The following SUFU variants were observed in gnomAD, a reference collection of about 807,000 sequenced individuals.
The protein encoded by SUFU is SUFU negative regulator of hedgehog signaling.
A neutral mutation model predicts 58.9 loss-of-function variants in SUFU; 7 were observed. The ratio of observed to expected loss-of-function variants is 0.12; its 90% CI spans 0.07 to 0.22. The LOEUF (loss-of-function observed/expected upper bound fraction) is 0.22, where lower values mean the gene tolerates loss of function less well. Ranked by LOEUF, SUFU falls within the 10% of genes least tolerant of loss-of-function variation. SUFU has a pLI of 1.00. For missense variants in SUFU, 451 were observed against 641.3 expected, an observed-to-expected ratio of 0.70 and a Z score of 3.20; for synonymous variants, 232 against 254.8, an observed-to-expected ratio of 0.91 and a Z score of 0.85.
At chr10:102,506,599 G>A (rs1394625745) in intron 1 of SUFU, among the ~76,000 whole-genome samples, 3 of 152,084 alleles carry the variant, frequency 2.0e-5, no homozygotes, top group Admixed American at 6.5e-5. Flanking sequence ...GGCTGGTCTC[G>A]AACTCCTGAC....
intron 2 of SUFU, among the ~76,000 whole-genome samples, chr10:102,546,576 C>T (rs1481420122): frequency 6.6e-6 from 1 of 152,234 alleles, no homozygotes; most frequent in Non-Finnish European, 1.5e-5. Context: ...GACAAAACCA[C>T]TTTGGCTAGA....
At chr10:102,580,029 A>ACCCCCCCCCCCCCCCCCC (rs71474507) in intron 3 of SUFU, among the ~76,000 whole-genome samples, 2 of 84,664 alleles carry the variant, frequency 2.4e-5, no homozygotes, top group Non-Finnish European at 4.9e-5. Context: ...CCTCCCCCGC[A>ACCCCCCCCCCCCCCCCCC]CCCCCCCCCC....
intron 2 of SUFU, among the ~76,000 whole-genome samples, chr10:102,533,057 G>A (rs2062693643): frequency 6.6e-6 from 1 of 152,138 alleles, no homozygotes; most frequent in Admixed American, 6.5e-5. Context: ...CCACTGAGAA[G>A]GGAGGGGGCA....
chr10:102,577,749 C>T (rs1328921257), intron 3 of SUFU, among the ~76,000 whole-genome samples: 2 of 150,420 alleles, frequency 1.3e-5, no homozygotes, highest in African/African-American at 2.4e-5. Flanking sequence ...GGCACGATCC[C>T]GGCTCACTGC....
At chr10:102,602,429 C>G (rs2063522590) in intron 8 of SUFU, among the ~76,000 whole-genome samples, 1 of 152,160 alleles carries the variant, frequency 6.6e-6, no homozygotes, top group Non-Finnish European at 1.5e-5. Flanking sequence ...CACATGGCAC[C>G]AAGGACAAGG....
chr10:102,548,931 C>G (rs990054529), intron 2 of SUFU, among the ~76,000 whole-genome samples: 1 of 152,214 alleles, frequency 6.6e-6, no homozygotes, highest in Non-Finnish European at 1.5e-5. Context: ...GAGGGCAACC[C>G]ATGCATCTCT....
In SUFU at chr10:102,630,137, C is replaced by G. The variant is rs768454343; in HGVS notation, c.1437C>G (p.Phe479Leu). The G allele has an allele frequency of 6.2e-7, 1 of 1,614,038 alleles. No homozygotes were observed. Among genetic ancestry groups the G allele is most frequent in the African/African-American group, 1.3e-5 (1 of 74,932 alleles). ...LKVSILPDVV[F>L]DSPLH Reference sequence around the variant, plus strand: ...TCTCCATCCTGCCTGACGTGGTGTTCGACAGTCCGCTACACTAGCCTGGGC... The same window carrying G: ...TCTCCATCCTGCCTGACGTGGTGTTGGACAGTCCGCTACACTAGCCTGGGC... Residue 479 changes from phenylalanine (F) to leucine (L), a missense_variant, in exon 12 of 12, where the codon TTC becomes TTG. By Grantham distance (22) the Phe-to-Leu change is conservative. Coordinates refer to ENST00000369902, the MANE Select transcript of SUFU (RefSeq NM_016169.4).
intron 8 of SUFU, among the ~76,000 whole-genome samples, chr10:102,611,629 A>G (rs1356623953): frequency 6.6e-6 from 1 of 152,280 alleles, no homozygotes; most frequent in Non-Finnish European, 1.5e-5. Flanking sequence ...TTTTAGAGGC[A>G]GCCAGCTAAC....
At chr10:102,596,129 A>T (rs568157059) in intron 6 of SUFU, among the ~76,000 whole-genome samples, 37 of 152,308 alleles carry the variant, frequency 2.4e-4, no homozygotes, top group African/African-American at 8.9e-4. Flanking sequence ...ACTGATGGGA[A>T]GGAGGCGTCT....
In SUFU at chr10:102,618,740, T is replaced by C. The variant is rs1432043050; in HGVS notation, c.1296+1312T>C. On this transcript the variant is annotated intron_variant, in intron 10 of 11. Transcript: ENST00000369902. ...AGCTCTGAAGTGTAATATTTGAAAT[T>C]AGCCCAGCACAAGTGGAAAGGGCCT... 5 of 431,898 alleles carry C rather than the reference T, an allele frequency of 1.2e-5. No individual in the cohort carries two copies. The Admixed American group carries it at 1.9e-4, about 17-fold the overall frequency. 26.8% of individuals were successfully genotyped at this position (431,898 alleles called of 1,614,324 possible). A position where few individuals can be genotyped will look rare whatever the true frequency, so the allele number is the denominator to read the frequency against.
chr10:102,616,758 G>A (rs1564707108), intron 9 of SUFU, among the ~76,000 whole-genome samples: 2 of 152,020 alleles, frequency 1.3e-5, no homozygotes, highest in African/African-American at 2.4e-5. Flanking sequence ...TTTTAAAGAT[G>A]TGCTGTGGCC....
chr10:102,524,324 C>CTTTTTTTTTTTTT (rs1384276713), intron 2 of SUFU, among the ~76,000 whole-genome samples: 1 of 119,890 alleles, frequency 8.3e-6, no homozygotes, highest in Non-Finnish European at 1.7e-5. Context: ...TTTTTCTTTT[C>CTTTTTTTTTTTTT]TTTTCTTTTT....
chr10:102,527,572 A>T (rs1326599237), intron 2 of SUFU, among the ~76,000 whole-genome samples: 1 of 152,072 alleles, frequency 6.6e-6, no homozygotes, highest in Non-Finnish European at 1.5e-5. Context: ...ATCTACTTTG[A>T]TAGTGACTAA....
intron 2 of SUFU, among the ~76,000 whole-genome samples, chr10:102,513,724 C>T (rs1301188580): frequency 6.6e-6 from 1 of 152,152 alleles, no homozygotes; most frequent in Admixed American, 6.6e-5. Flanking sequence ...CAGCCTGACG[C>T]GGTACCAACA....
chr10:102,539,924 G>A (rs918382570), intron 2 of SUFU, among the ~76,000 whole-genome samples: 15 of 152,218 alleles, frequency 9.9e-5, no homozygotes, highest in Non-Finnish European at 1.6e-4. Context: ...ATTACAATCA[G>A]TGTGGACTCA....
intron 10 of SUFU, among the ~76,000 whole-genome samples, chr10:102,624,813 G>A (rs1453434890): frequency 8.5e-5 from 13 of 152,142 alleles, no homozygotes; most frequent in Admixed American, 3.3e-4. Flanking sequence ...TAACTCTGGC[G>A]TCTCACTGGG....
chr10:102,538,630 T>C (rs1353780684), intron 2 of SUFU, among the ~76,000 whole-genome samples: 16 of 151,290 alleles, frequency 1.1e-4, no homozygotes, highest in Non-Finnish European at 1.5e-5. Flanking sequence ...CACGCATGCA[T>C]GCACACACAC....
At chr10:102,560,532 G>A (rs950824739) in intron 3 of SUFU, among the ~76,000 whole-genome samples, 1 of 152,088 alleles carries the variant, frequency 6.6e-6, no homozygotes, top group African/African-American at 2.4e-5. Context: ...CTGGGAGCAC[G>A]CCACTGCACT....
chr10:102,608,316 C>T (rs2063583931), intron 8 of SUFU, among the ~76,000 whole-genome samples: 1 of 152,066 alleles, frequency 6.6e-6, no homozygotes, highest in Admixed American at 6.5e-5. Context: ...AAAACAGTGA[C>T]TATTGTAATG....
Sources: allele counts gnomAD v4.1 joint callset (sites outside exome capture counted in the v4.1 genomes callset), GRCh38; gene constraint gnomAD v4.1.1; transcripts MANE v1.5; gene names NCBI Gene and HGNC (gene_info 2026-07-23, HGNC 2026-07-21).